The following BCAR1 variants were observed in gnomAD, a reference collection of about 807,000 sequenced individuals.
The protein encoded by BCAR1 is breast cancer anti-estrogen resistance protein 1.
In BCAR1, 30 loss-of-function variants were observed where a neutral mutation model predicts 67.6. The ratio of observed to expected loss-of-function variants is 0.44; its 90% confidence interval spans 0.33 to 0.60. The LOEUF (loss-of-function observed/expected upper bound fraction) is 0.60. Ranked by LOEUF, BCAR1 falls within the 20% of genes least tolerant of loss-of-function variation. The pLI is 0.02. For missense variants in BCAR1, 1,313 were observed against 1,222.3 expected, an observed-to-expected ratio of 1.07 and a Z score of -1.11; for synonymous variants, 626 against 556.7, an observed-to-expected ratio of 1.12 and a Z score of -1.75.
rs139403889 is a variant in BCAR1 at position 75,264,730 on chromosome 16, C to G, written c.66+3185G>C. On this transcript the variant is annotated intron_variant, in intron 1 of 6. Transcript: ENST00000393422. ...CACTCTGGGATAGTTAATGAAGAGG[C>G]CACTTGCCAGAAAGCCCCCACTGCC... The G allele has an allele frequency of 3.3e-5, 36 of 1,089,258 alleles. No homozygotes were observed. The African/African-American group carries it at 5.4e-4, about 16-fold the overall frequency. The allele number at this position is 1,089,258 out of a possible 1,614,324, so 67.5% of individuals were successfully genotyped here.
upstream of BCAR1, chr16:75,251,654 G>A (rs2077683848): frequency 1.0e-6 from 1 of 998,308 alleles, no homozygotes; most frequent in Non-Finnish European, 1.2e-6. Context: ...CCACGGCCCA[G>A]CCGGCCCAGC....
intron 2 of BCAR1, 147 bp from the exon 3 acceptor site, chr16:75,237,491 C>T (rs1259782855): frequency 2.1e-6 from 2 of 944,258 alleles, no homozygotes; most frequent in African/African-American, 1.7e-5. Context: ...CAGTTCTCAC[C>T]CCCTCTGCAC....
chr16:75,264,442 G>T, intron 1 of BCAR1: 2 of 1,517,764 alleles, frequency 1.3e-6, no homozygotes, highest in Non-Finnish European at 1.8e-6. Context: ...CCCTGGGCCA[G>T]AGAAGTCCAG....
intron 6 of BCAR1, among the ~76,000 whole-genome samples, chr16:75,233,628 CTAAA>C (rs1451819693): frequency 6.6e-6 from 1 of 152,174 alleles, no homozygotes; most frequent in Non-Finnish European, 1.5e-5. Flanking sequence ...CTCTAATTCC[CTAAA>C]TGTCTCCAAC....
chr16:75,243,330 T>G (rs1377643318), intron 1 of BCAR1: 1 of 635,152 alleles, frequency 1.6e-6, no homozygotes, highest in East Asian at 2.9e-5. Context: ...AAAATCCTCT[T>G]GACCACTGTC....
upstream of BCAR1, chr16:75,256,096 G>A (rs73605130): frequency 6.6e-6 from 1 of 152,410 alleles, no homozygotes; most frequent in Non-Finnish European, 1.5e-5. Flanking sequence ...CCCAACACCA[G>A]TCATTCCTCA....
chr16:75,243,384 C>G (rs1444754036), intron 1 of BCAR1: 7 of 616,322 alleles, frequency 1.1e-5, no homozygotes, highest in Middle Eastern at 2.6e-4. Flanking sequence ...TCCCTAAAAG[C>G]CCCACCCAAG....
chr16:75,235,588 G>A lies in BCAR1; in HGVS notation c.1311C>T (p.Ser437=). Residue 437 remains serine (S), a synonymous_variant, in exon 5 of 7, where the codon AGC becomes AGT. Transcript: ENST00000162330. ...CCTCCAAGGAGGACGCAGACTGGCT[G>A]CTGCGTGTGCTGCCGGTGCTGGAGG... is the stretch of plus-strand genomic sequence containing the variant. The part of the protein sequence containing the change: ...LSASSTGSTR[S]SQSASSLEVA... 1 of 1,590,254 alleles carries A rather than the reference G, an allele frequency of 6.3e-7. No homozygotes were observed.
intron 2 of BCAR1, among the ~76,000 whole-genome samples, chr16:75,239,798 C>T (rs2077275344): frequency 6.6e-6 from 1 of 152,214 alleles, no homozygotes; most frequent in Admixed American, 6.5e-5. Context: ...GCTCCAGGCA[C>T]CCCAGCCTGA....
Position 75,242,886 on chromosome 16 carries a change from C to T in BCAR1, c.217G>A (p.Gly73Arg). Residue 73 changes from glycine (G) to arginine (R), a missense_variant, in exon 2 of 7, where the codon GGG becomes AGG. Coordinates refer to ENST00000162330, the MANE Select transcript of BCAR1 (RefSeq NM_014567.5). ...GTGGCGGGAGGGCCGGGGCCAGGCC[C>T]TGCTGGCTTCTTATCATACATGCCC... ...LVGMYDKKPA[G>R]PGPGPPATPA... 6.2e-7 allele frequency: 1 copy of T among 1,611,184 alleles called. No homozygotes were observed. The highest frequency in any genetic ancestry group is 1.1e-5 in the South Asian group (1 of 91,044).
At chr16:75,265,530 C>T (rs2077989385) in intron 1 of BCAR1, among the ~76,000 whole-genome samples, 1 of 152,052 alleles carries the variant, frequency 6.6e-6, no homozygotes, top group Admixed American at 6.5e-5. Context: ...CAGGGGTTTC[C>T]CGGGGACCAA....
intron 4 of BCAR1, 194 bp from the exon 5 acceptor site, chr16:75,236,180 GC>G: frequency 1.5e-6 from 1 of 656,010 alleles, no homozygotes; most frequent in Non-Finnish European, 2.5e-6. Context: ...ACACACACTC[GC>G]AGCCCTAGCA....
chr16:75,241,346 C>T (rs1238542548), intron 2 of BCAR1, among the ~76,000 whole-genome samples: 4 of 152,092 alleles, frequency 2.6e-5, no homozygotes, highest in Admixed American at 1.3e-4. Flanking sequence ...CATGGGTGTT[C>T]GTATCTGTGG....
chr16:75,246,516 G>C, intron 1 of BCAR1: 1 of 152,436 alleles, frequency 6.6e-6, no homozygotes, highest in South Asian at 2.1e-4. Context: ...CAGGATTCCT[G>C]TCTGAGAAGA....
chr16:75,266,037 TC>T, intron 1 of BCAR1: 1 of 1,026,186 alleles, frequency 9.7e-7, no homozygotes, highest in Non-Finnish European at 1.2e-6. Flanking sequence ...CCCCACCGTC[TC>T]CGCGGCCAGG....
At chr16:75,238,059 G>C in intron 2 of BCAR1, 1 of 1,289,090 alleles carries the variant, frequency 7.8e-7, no homozygotes, top group Non-Finnish European at 1.0e-6. Context: ...AGTGGGTCCA[G>C]GGCCAGCCCT....
chr16:75,231,252 T>C (rs1356356286), intron 6 of BCAR1, among the ~76,000 whole-genome samples: 2 of 152,046 alleles, frequency 1.3e-5, no homozygotes, highest in Non-Finnish European at 2.9e-5. Context: ...CCCTGGCTAA[T>C]TTTTGTATTT....
intron 1 of BCAR1, chr16:75,245,964 C>CTTTTTTTTTTTTTTTTTTTTTTTTTTTT (rs60320561): frequency 4.0e-5 from 2 of 49,634 alleles, no homozygotes; most frequent in African/African-American, 7.6e-5. Flanking sequence ...TAGGATTGTT[C>CTTTTTTTTTTTTTTTTTTTTTTTTTTTT]TTTTTTTTTT....
At chr16:75,267,795 G>T in intron 1 of BCAR1, 2 of 1,085,464 alleles carry the variant, frequency 1.8e-6, no homozygotes, top group Non-Finnish European at 2.7e-6. Context: ...CGCAGATGGA[G>T]CTGGACCCTC....
Sources: allele counts gnomAD v4.1 joint callset (sites outside exome capture counted in the v4.1 genomes callset), GRCh38; gene constraint gnomAD v4.1.1; transcripts MANE v1.5; gene names NCBI Gene and HGNC (gene_info 2026-07-23, HGNC 2026-07-21).